The following KCNQ5 variants were observed in gnomAD, a reference collection of about 807,000 sequenced individuals.
The protein encoded by KCNQ5 is potassium voltage-gated channel subfamily KQT member 5.
Under a neutral mutation model 98.2 loss-of-function variants are expected in KCNQ5, and 30 were observed. The ratio of observed to expected loss-of-function variants is 0.31; its 90% CI spans 0.23 to 0.41. KCNQ5 has a LOEUF of 0.41. KCNQ5 is among the 10% of genes least tolerant of loss of function. KCNQ5 has a pLI of 1.00. For missense variants in KCNQ5, 835 were observed against 1,182.5 expected, an observed-to-expected ratio of 0.71 and a Z score of 4.31; for synonymous variants, 458 against 449.4, an observed-to-expected ratio of 1.02 and a Z score of -0.24.
At chr6:72,900,357 TAAAG>T (rs1014018712) in intron 1 of KCNQ5, among the ~76,000 whole-genome samples, 10 of 148,320 alleles carry the variant, frequency 6.7e-5, no homozygotes, top group South Asian at 4.2e-4. Flanking sequence ...CCTATATATA[TAAAG>T]AAACTTTATA....
Position 72,986,647 on chromosome 6 carries a change from C to T in KCNQ5, c.399-17261C>T. 3 of 769,556 alleles carry T rather than the reference C, an allele frequency of 3.9e-6. No individual in the cohort carries two copies. The South Asian group carries it at 5.0e-5, about 13-fold the overall frequency. 47.7% of individuals were successfully genotyped at this position (769,556 alleles called of 1,614,324 possible). ...GTGCCAGACGGTCAGAGAAGTCACC[C>T]AATCCCAGGAAGCAGGTGCTTGGCC... On this transcript the variant is annotated intron_variant, in intron 1 of 13. Transcript: ENST00000370398.
chr6:73,087,688 A>G (rs573052723), intron 5 of KCNQ5, among the ~76,000 whole-genome samples: 3 of 152,332 alleles, frequency 2.0e-5, no homozygotes, highest in Admixed American at 2.0e-4. Flanking sequence ...AACCTTAAAA[A>G]TCCAGTGTCC....
chr6:72,934,259 T>C (rs1434688504), intron 1 of KCNQ5, among the ~76,000 whole-genome samples: 1 of 152,174 alleles, frequency 6.6e-6, no homozygotes, highest in East Asian at 1.9e-4. Flanking sequence ...CCTAAATTAA[T>C]TATGGCAACC....
chr6:73,054,791 G>A (rs1772397070), intron 3 of KCNQ5, among the ~76,000 whole-genome samples: 1 of 152,148 alleles, frequency 6.6e-6, no homozygotes, highest in Admixed American at 6.5e-5. Context: ...AACAAAACAA[G>A]GATGTCCTCT....
At chr6:73,074,813 G>A (rs1384146184) in intron 3 of KCNQ5, among the ~76,000 whole-genome samples, 1 of 150,288 alleles carries the variant, frequency 6.7e-6, no homozygotes, top group African/African-American at 2.4e-5. Context: ...TAAGTTTTAA[G>A]TGTAGTATTT....
intron 1 of KCNQ5, among the ~76,000 whole-genome samples, chr6:72,929,505 C>A (rs776293276): frequency 1.3e-5 from 2 of 152,110 alleles, no homozygotes; most frequent in Admixed American, 6.6e-5. Flanking sequence ...ATTGCAGAAC[C>A]AACTTCATGT....
chr6:72,982,531 T>A (rs1260502692), intron 1 of KCNQ5, among the ~76,000 whole-genome samples: 22 of 141,928 alleles, frequency 1.6e-4, no homozygotes, highest in Non-Finnish European at 3.3e-4. Context: ...GCTTTGTAGA[T>A]CTTCCTCCAT....
At chr6:72,851,263 C>T (rs1777243799) in intron 1 of KCNQ5, among the ~76,000 whole-genome samples, 3 of 152,108 alleles carry the variant, frequency 2.0e-5, no homozygotes, top group African/African-American at 7.2e-5. Flanking sequence ...ACTAGTTTAA[C>T]TTGTCAACAT....
intron 1 of KCNQ5, among the ~76,000 whole-genome samples, chr6:72,672,107 C>T (rs962247526): frequency 2.6e-5 from 4 of 151,476 alleles, no homozygotes; most frequent in East Asian, 1.9e-4. Context: ...TGAGCCACGA[C>T]GCCTGGCCTA....
At chr6:73,057,376 T>C (rs1772567082) in intron 3 of KCNQ5, among the ~76,000 whole-genome samples, 1 of 151,928 alleles carries the variant, frequency 6.6e-6, no homozygotes, top group African/African-American at 2.4e-5. Flanking sequence ...ATATACCTAA[T>C]GTAAATGACA....
intron 1 of KCNQ5, among the ~76,000 whole-genome samples, chr6:72,706,921 A>G (rs1769117205): frequency 6.6e-6 from 1 of 152,208 alleles, no homozygotes; most frequent in African/African-American, 2.4e-5. Context: ...TATAAACATG[A>G]AGACACATAT....
intron 10 of KCNQ5, among the ~76,000 whole-genome samples, chr6:73,166,208 A>G (rs1815728): frequency 0.74 from 111,870 of 151,872 alleles, 42,335 homozygotes; most frequent in East Asian, 0.89. Flanking sequence ...CAAGGCAGGT[A>G]GATCACGAGG....
chr6:72,957,484 T>C (rs1005949377), intron 1 of KCNQ5, among the ~76,000 whole-genome samples: 1 of 152,150 alleles, frequency 6.6e-6, no homozygotes, highest in Non-Finnish European at 1.5e-5. Flanking sequence ...GGAAGCTTTT[T>C]AAAATGCCAA....
At chr6:73,150,822 A>G (rs2796054) in intron 10 of KCNQ5, among the ~76,000 whole-genome samples, 41 of 62,622 alleles carry the variant, frequency 6.5e-4, no homozygotes, top group Admixed American at 3.1e-3. Context: ...TGGGAAGTGT[A>G]TATATATATA....
At chr6:72,788,965 A>G (rs1234644155) in intron 1 of KCNQ5, among the ~76,000 whole-genome samples, 4 of 152,198 alleles carry the variant, frequency 2.6e-5, no homozygotes, top group Non-Finnish European at 5.9e-5. Context: ...CCCTAGCTTC[A>G]CATTAGAAAT....
chr6:72,622,678 C>G lies in KCNQ5; in HGVS notation c.398+91C>G, dbSNP rs1024371807. The G allele has an allele frequency of 1.4e-6, 2 of 1,450,528 alleles. No individual in the cohort carries two copies. The highest frequency in any genetic ancestry group is 2.4e-5 in the East Asian group (1 of 41,668). 89.9% of individuals were successfully genotyped at this position (1,450,528 alleles called of 1,614,324 possible). A position where few individuals can be genotyped will look rare whatever the true frequency, so the allele number is the denominator to read the frequency against. On this transcript the variant is annotated intron_variant, in intron 1 of 13. Transcript: ENST00000370398. This position sits in a 1 kb window ranked among gnomAD's most constrained non-coding sequence, Gnocchi z 6.0. ...GCTCCGCGCTCGCGCCCTTGGGCCC[C>G]CGCGCGCGTGCACACGTGGTGGCTT...
chr6:72,726,505 G>A (rs142277157), intron 1 of KCNQ5, among the ~76,000 whole-genome samples: 9 of 152,164 alleles, frequency 5.9e-5, no homozygotes, highest in East Asian at 3.9e-4. Context: ...AAGCCACCAC[G>A]CCCAGCCAAA....
At chr6:73,098,025 T>A (rs1774590071) in intron 5 of KCNQ5, among the ~76,000 whole-genome samples, 1 of 152,028 alleles carries the variant, frequency 6.6e-6, no homozygotes, top group African/African-American at 2.4e-5. Context: ...ACACTCAACA[T>A]AACACAGAGA....
intron 1 of KCNQ5, among the ~76,000 whole-genome samples, chr6:72,900,427 G>T (rs1191589062): frequency 7.1e-6 from 1 of 140,608 alleles, no homozygotes; most frequent in Non-Finnish European, 1.5e-5. Context: ...ATAAACTGTG[G>T]TATATATATG....
Sources: gnomAD v4.1 joint callset for allele counts (sites outside exome capture counted in the v4.1 genomes callset) on GRCh38, gnomAD v4.1.1 for gene constraint, Gnocchi (gnomAD v3.1) non-coding constraint, MANE v1.5 for transcripts, NCBI Gene and HGNC (gene_info 2026-07-23, HGNC 2026-07-21) for gene names.